The following HMCN1 variants were observed in gnomAD, a reference collection of about 807,000 sequenced individuals.
The protein encoded by HMCN1 is hemicentin-1.
HMCN1 carries 321 observed loss-of-function variants against 625.9 expected under a neutral mutation model. The observed-to-expected ratio is 0.51, with a 90% CI of 0.47 to 0.56. The LOEUF is 0.56. Ranked by LOEUF, HMCN1 falls within the 20% of genes least tolerant of loss-of-function variation. The pLI is 0.00. For missense variants in HMCN1, 6,588 were observed against 6,887.3 expected, an observed-to-expected ratio of 0.96 and a Z score of 1.54; for synonymous variants, 2,425 against 2,417.6, an observed-to-expected ratio of 1.00 and a Z score of -0.09.
chr1:185,922,216 T>G (rs1035623708), intron 6 of HMCN1, among the ~76,000 whole-genome samples, 163 bp from the exon 7 acceptor site: 1 of 152,148 alleles, frequency 6.6e-6, no homozygotes, highest in African/African-American at 2.4e-5. Flanking sequence ...AACTTGCATT[T>G]AAAATATAGA....
chr1:185,734,859 A>C lies in HMCN1; in HGVS notation c.80A>C (p.Gln27Pro), dbSNP rs1205453091. ...YSSLAQDASP[Q>P]SEIRAEEIPE... ...TCCCTAGCTCAAGATGCGAGCCCCC[A>C]GTCAGAGATCAGAGCTGAGGAAATT... is the stretch of plus-strand genomic sequence containing the variant. Residue 27 changes from glutamine (Q) to proline (P), a missense_variant, in exon 1 of 107, where the codon CAG becomes CCG. Gln to Pro is a moderately conservative substitution (Grantham distance 76). This residue lies in a region of HMCN1 where 4,628 missense variants were observed against 4,853.1 expected (regional missense o/e 0.95). Coordinates refer to ENST00000271588, the MANE Select transcript of HMCN1 (RefSeq NM_031935.3). The C allele has an allele frequency of 1.2e-6, 2 of 1,614,098 alleles. No homozygotes were observed. Among genetic ancestry groups the C allele is most frequent in the South Asian group, 1.1e-5 (1 of 91,074 alleles).
chr1:185,756,885 T>A (rs1374237638), intron 1 of HMCN1, among the ~76,000 whole-genome samples: 1 of 151,994 alleles, frequency 6.6e-6, no homozygotes, highest in South Asian at 2.1e-4. Flanking sequence ...GTCTCTGCTG[T>A]TTTTTTTCCA....
At chr1:185,984,914 T>G (rs1311370635) in intron 19 of HMCN1, among the ~76,000 whole-genome samples, 2 of 152,192 alleles carry the variant, frequency 1.3e-5, no homozygotes, top group Non-Finnish European at 2.9e-5. Flanking sequence ...AATATACTTT[T>G]TAAAGACTCT....
At chr1:185,763,156 A>T (rs981723414) in intron 1 of HMCN1, among the ~76,000 whole-genome samples, 1 of 152,126 alleles carries the variant, frequency 6.6e-6, no homozygotes. Flanking sequence ...TCTGCGGCAA[A>T]ATGTGAGGGA....
intron 2 of HMCN1, among the ~76,000 whole-genome samples, chr1:185,849,658 A>C (rs2102326194): frequency 6.6e-6 from 1 of 152,338 alleles, no homozygotes; most frequent in Non-Finnish European, 1.5e-5. Context: ...TAGGGTATGA[A>C]ACTGGAAGTT....
At chr1:185,815,804 A>C (rs1051581561) in intron 1 of HMCN1, among the ~76,000 whole-genome samples, 2 of 150,404 alleles carry the variant, frequency 1.3e-5, no homozygotes, top group African/African-American at 2.5e-5. Context: ...TAGTACCATT[A>C]GGCTGCTAGA....
chr1:186,162,592 G>A (rs1359855936), intron 97 of HMCN1, among the ~76,000 whole-genome samples: 1 of 152,084 alleles, frequency 6.6e-6, no homozygotes, highest in Non-Finnish European at 1.5e-5. Context: ...TGGGTTTTTG[G>A]TGTGGGTGTC....
intron 1 of HMCN1, among the ~76,000 whole-genome samples, chr1:185,748,034 ATTTTTTT>A (rs36021341): frequency 1.8e-4 from 21 of 118,152 alleles, no homozygotes; most frequent in African/African-American, 9.9e-5. Flanking sequence ...GGTACTTAAA[ATTTTTTT>A]TTTTTTTTTT....
Position 186,081,077 on chromosome 1 carries a change from A to C in HMCN1, c.8600-130A>C, listed in dbSNP as rs1659141130. On this transcript the variant is annotated intron_variant, in intron 55 of 106. Transcript: ENST00000271588. ...TATTAGTATAAAATGTTACCTGGGGATCATATAGTTTCTCCTTCAAGTTTT... is the reference window on the plus strand; with the variant it reads ...TATTAGTATAAAATGTTACCTGGGGCTCATATAGTTTCTCCTTCAAGTTTT... The C allele has an allele frequency of 1.0e-5, 8 of 798,150 alleles. No homozygotes were observed. The South Asian group carries it at 1.1e-4, about 11-fold the overall frequency. The allele number at this position is 798,150 out of a possible 1,614,324, so 49.4% of individuals were successfully genotyped here.
intron 89 of HMCN1, among the ~76,000 whole-genome samples, chr1:186,139,616 G>C (rs1041726279): frequency 3.4e-5 from 5 of 147,570 alleles, no homozygotes; most frequent in African/African-American, 1.3e-4. Flanking sequence ...TTTTTTAAAG[G>C]CTTTCTCTAG....
At position 186,057,402 on chromosome 1, in the gene HMCN1, G is replaced by A; in HGVS notation, c.7312+1G>A. On this transcript the variant is annotated splice_donor_variant, in intron 46 of 106. Transcript: ENST00000271588. LOFTEE classifies it high-confidence loss of function. ...AGCAATTCTGTGAGGATTCTTTCAG[G>A]TATTAGAAATTCTGGTAGCCTTATA... The A allele has an allele frequency of 6.3e-7, 1 of 1,599,702 alleles. No homozygotes were observed.
intron 63 of HMCN1, among the ~76,000 whole-genome samples, chr1:186,090,310 G>A (rs940639461): frequency 1.3e-5 from 2 of 151,938 alleles, no homozygotes; most frequent in African/African-American, 2.4e-5. Context: ...AATGGAGAAA[G>A]AAATAACCAA....
At chr1:186,118,988 C>T (rs568722296) in intron 77 of HMCN1, among the ~76,000 whole-genome samples, 3 of 152,132 alleles carry the variant, frequency 2.0e-5, no homozygotes, top group African/African-American at 7.2e-5. Flanking sequence ...AAATGAGTGA[C>T]CCTTATGATA....
intron 97 of HMCN1, among the ~76,000 whole-genome samples, chr1:186,160,734 A>G (rs191146592): frequency 2.4e-4 from 37 of 152,166 alleles, no homozygotes; most frequent in African/African-American, 8.9e-4. Flanking sequence ...AGCAGTTTTG[A>G]GTGAGTTTCT....
chr1:186,106,673 C>T (rs897424522), intron 69 of HMCN1, among the ~76,000 whole-genome samples: 7 of 152,114 alleles, frequency 4.6e-5, no homozygotes, highest in South Asian at 2.1e-4. Flanking sequence ...ATTCTTAAAT[C>T]GATACCAAAA....
At chr1:185,741,927 A>G (rs1654020025) in intron 1 of HMCN1, among the ~76,000 whole-genome samples, 1 of 152,238 alleles carries the variant, frequency 6.6e-6, no homozygotes, top group Non-Finnish European at 1.5e-5. Flanking sequence ...AACTGAACTT[A>G]GTTTTGACAA....
chr1:185,849,294 T>A (rs1662023238), intron 2 of HMCN1, among the ~76,000 whole-genome samples: 1 of 152,156 alleles, frequency 6.6e-6, no homozygotes, highest in Non-Finnish European at 1.5e-5. Context: ...CACACTCCCT[T>A]AACCTAGTTT....
chr1:186,124,460 A>G (rs1056211102), intron 81 of HMCN1, among the ~76,000 whole-genome samples: 5 of 152,092 alleles, frequency 3.3e-5, no homozygotes, highest in Admixed American at 6.5e-5. Context: ...TGTATCCCGT[A>G]ACAAAAGACA....
At chr1:185,820,456 G>T (rs1052399477) in intron 1 of HMCN1, among the ~76,000 whole-genome samples, 1 of 151,988 alleles carries the variant, frequency 6.6e-6, no homozygotes, top group African/African-American at 2.4e-5. Flanking sequence ...CCCGAATAAT[G>T]TTTTTAGTTG....
Sources: allele counts gnomAD v4.1 joint callset (sites outside exome capture counted in the v4.1 genomes callset), GRCh38; gene constraint gnomAD v4.1.1; regional missense constraint gnomAD v4.1.1; transcripts MANE v1.5; gene names NCBI Gene and HGNC (gene_info 2026-07-23, HGNC 2026-07-21).